METAP1: variants seen among roughly 807,000 people sequenced by gnomAD.
METAP1 encodes the protein methionyl aminopeptidase 1.
A neutral mutation model predicts 53.8 loss-of-function variants in METAP1; 28 were observed. The observed-to-expected ratio is 0.52, with a 90% confidence interval of 0.39 to 0.71. METAP1 has a LOEUF of 0.71. Ranked by LOEUF, METAP1 falls within the 30% of genes least tolerant of loss-of-function variation. METAP1 has a pLI of 0.00. For missense variants in METAP1, 389 were observed against 479.8 expected (o/e 0.81, Z 1.77); for synonymous variants, 181 against 165.7 (o/e 1.09, Z -0.71).
At chr4:99,006,090 C>A (rs528374187) in intron 1 of METAP1, among the ~76,000 whole-genome samples, 2 of 152,178 alleles carry the variant, frequency 1.3e-5, no homozygotes, top group Non-Finnish European at 2.9e-5. Context: ...TTGTTGTTAA[C>A]AGACTTTTTA....
intron 9 of METAP1, among the ~76,000 whole-genome samples, chr4:99,057,182 G>A (rs12505621): frequency 0.013 from 1,925 of 152,270 alleles, 83 homozygotes; most frequent in Admixed American, 0.07. Flanking sequence ...TTTTTAAAAA[G>A]TAGGTTAATG....
At chr4:99,057,927 C>T in intron 10 of METAP1, 109 bp downstream of exon 10, 1 of 864,380 alleles carries the variant, frequency 1.2e-6, no homozygotes, top group Non-Finnish European at 1.8e-6. Flanking sequence ...TTCCTACTCA[C>T]TCCCTGTCCC....
At chr4:99,022,631 G>A (rs1724210711) in intron 1 of METAP1, 1 of 831,166 alleles carries the variant, frequency 1.2e-6, no homozygotes. Flanking sequence ...TGCTGCCTGT[G>A]TGCACACCTG....
intron 9 of METAP1, among the ~76,000 whole-genome samples, chr4:99,055,927 T>C (rs1470623555): frequency 6.6e-6 from 1 of 152,240 alleles, no homozygotes; most frequent in Non-Finnish European, 1.5e-5. Flanking sequence ...CAAATGTTTG[T>C]TTTTCTTTTC....
At chr4:98,999,267 G>C (rs1722804519) in intron 1 of METAP1, among the ~76,000 whole-genome samples, 1 of 152,034 alleles carries the variant, frequency 6.6e-6, no homozygotes. Context: ...GTATACTGCT[G>C]TGTTTGAATC....
At chr4:99,019,481 C>G (rs1478861901) in intron 1 of METAP1, among the ~76,000 whole-genome samples, 1 of 152,128 alleles carries the variant, frequency 6.6e-6, no homozygotes, top group Non-Finnish European at 1.5e-5. Context: ...TTGTTCTATT[C>G]TGGAGATCCT....
chr4:99,031,948 T>G (rs1321417605), intron 2 of METAP1, among the ~76,000 whole-genome samples: 1 of 152,220 alleles, frequency 6.6e-6, no homozygotes, highest in African/African-American at 2.4e-5. Context: ...ACTGCCCTGT[T>G]GTTGTACAGT....
At chr4:98,996,190 C>T (rs1722615993) in intron 1 of METAP1, among the ~76,000 whole-genome samples, 2 of 152,120 alleles carry the variant, frequency 1.3e-5, no homozygotes, top group African/African-American at 2.4e-5. Flanking sequence ...CGCGCTGGGG[C>T]GGGGGCCGCC....
At chr4:99,043,686 C>T (rs1217979687) in intron 7 of METAP1, among the ~76,000 whole-genome samples, 3 of 151,982 alleles carry the variant, frequency 2.0e-5, no homozygotes, top group African/African-American at 7.3e-5. Flanking sequence ...GTTTTTTTCC[C>T]CCAGAAGTTC....
chr4:99,045,317 C>T lies in METAP1; in HGVS notation c.787+7C>T, dbSNP rs759539155. ...ATGCAAGCCATTGATGCAGGTCAGC[C>T]TCAGTGTTGAGCACCTATTGGCAGT... On this transcript the variant is annotated splice_region_variant and intron_variant, in intron 8 of 10. Transcript: ENST00000296411. 1.9e-5 allele frequency: 30 copies of T among 1,613,176 alleles called. No individual in the cohort carries two copies. Among genetic ancestry groups the T allele is most frequent in the Non-Finnish European group, 2.5e-5 (29 of 1,179,520 alleles).
intron 1 of METAP1, among the ~76,000 whole-genome samples, chr4:98,996,636 C>G (rs1722647159): frequency 6.6e-6 from 1 of 152,184 alleles, no homozygotes; most frequent in Non-Finnish European, 1.5e-5. Context: ...GGCGTGAATG[C>G]TGTAGTGTAT....
Position 99,032,658 on chromosome 4 carries a change from C to T in METAP1, c.167-1572C>T, listed in dbSNP as rs369796135. 1.7e-3 allele frequency among the ~76,000 whole-genome samples: 252 copies of T among 152,256 alleles called. 8 individuals are homozygous for T. The South Asian group carries it at 0.048, about 29-fold the overall frequency. ...GAAGTATGCTAGTGCAAAAAGCCTG[C>T]GTCTTGATTGCTTTTCTCTCCTAGG... On this transcript the variant is annotated intron_variant, in intron 2 of 10. Transcript: ENST00000296411.
chr4:99,011,138 A>C (rs568164748), intron 1 of METAP1, among the ~76,000 whole-genome samples: 8 of 151,642 alleles, frequency 5.3e-5, no homozygotes, highest in Non-Finnish European at 1.0e-4. Flanking sequence ...TTTAATTTGG[A>C]TGCCTTTTAT....
At chr4:99,011,208 A>T (rs1723449611) in intron 1 of METAP1, among the ~76,000 whole-genome samples, 1 of 152,194 alleles carries the variant, frequency 6.6e-6, no homozygotes. Flanking sequence ...AATAGAAGTG[A>T]TGAGAGCTGG....
At chr4:99,034,376 A>G in intron 3 of METAP1, 34 bp downstream of exon 3, 6 of 1,247,120 alleles carry the variant, frequency 4.8e-6, no homozygotes, top group South Asian at 1.3e-5. Context: ...CAACATTCCA[A>G]TTTTGAATTT....
At chr4:99,044,091 C>T (rs1560727303) in intron 7 of METAP1, among the ~76,000 whole-genome samples, 1 of 152,076 alleles carries the variant, frequency 6.6e-6, no homozygotes, top group Non-Finnish European at 1.5e-5. Context: ...CCATGCCCAG[C>T]TCAGTTTTTG....
chr4:99,026,466 G>A, intron 1 of METAP1: 1 of 985,390 alleles, frequency 1.0e-6, no homozygotes, highest in Non-Finnish European at 1.2e-6. Context: ...AAGCTTCTGA[G>A]GACGTAGTTA....
intron 1 of METAP1, among the ~76,000 whole-genome samples, chr4:98,996,130 T>G (rs1171428343): frequency 6.6e-6 from 1 of 152,200 alleles, no homozygotes; most frequent in African/African-American, 2.4e-5. Flanking sequence ...AAGCGGGCTG[T>G]GCGGGGTCGC....
At chr4:99,059,701 G>A (rs938606249) in intron 10 of METAP1, among the ~76,000 whole-genome samples, 1 of 151,904 alleles carries the variant, frequency 6.6e-6, no homozygotes, top group Non-Finnish European at 1.5e-5. Flanking sequence ...TTGGGCCTTT[G>A]CTTTCTGCTT....
Sources: gnomAD v4.1 joint callset for allele counts (sites outside exome capture counted in the v4.1 genomes callset) on GRCh38, gnomAD v4.1.1 for gene constraint, MANE v1.5 for transcripts, NCBI Gene and HGNC (gene_info 2026-07-23, HGNC 2026-07-21) for gene names.